GUCY1A2: variants seen among roughly 807,000 people sequenced by gnomAD.
GUCY1A2 encodes guanylate cyclase 1 soluble subunit alpha 2, also known as guanylate cyclase soluble subunit alpha-2.
Under a neutral mutation model 63.5 loss-of-function variants are expected in GUCY1A2, and 27 were observed. The ratio of observed to expected loss-of-function variants is 0.43; its 90% CI spans 0.31 to 0.59. The LOEUF is 0.59. GUCY1A2 is among the 20% of genes least tolerant of loss of function. GUCY1A2 has a pLI of 0.11. For missense variants in GUCY1A2, 768 were observed against 913.3 expected, an observed-to-expected ratio of 0.84 and a Z score of 2.05; for synonymous variants, 364 against 343.5, an observed-to-expected ratio of 1.06 and a Z score of -0.66.
chr11:106,709,521 TATA>T lies in GUCY1A2; in HGVS notation c.1837-858_1837-856del, dbSNP rs1292501768. ...ATAATAATATATATTATTCTATAAATATAATAATAATATAATATATTATATTAT... is the reference window on the plus strand; with the variant it reads ...ATAATAATATATATTATTCTATAAATATAATAATATAATATATTATATTAT... On this transcript the variant is annotated intron_variant, in intron 6 of 7. Transcript: ENST00000526355. Among the ~76,000 whole-genome samples, 92 of 52,732 alleles carry T rather than the reference TATA, an allele frequency of 1.7e-3. 4 individuals carry two copies. Among genetic ancestry groups the T allele is most frequent in the East Asian group, 0.01 (36 of 3,470 alleles). The allele number at this position is 52,732 out of a possible 152,430, so 34.6% of individuals were successfully genotyped here. A position where few individuals can be genotyped will look rare whatever the true frequency, so the allele number is the denominator to read the frequency against.
chr11:106,995,953 G>A (rs1259979816), intron 1 of GUCY1A2, among the ~76,000 whole-genome samples: 1 of 151,152 alleles, frequency 6.6e-6, no homozygotes, highest in East Asian at 2.0e-4. Context: ...CCAGTACTTG[G>A]GAGTTTCAGT....
intron 6 of GUCY1A2, among the ~76,000 whole-genome samples, chr11:106,744,165 TGAG>T (rs1461283015): frequency 6.6e-6 from 1 of 151,996 alleles, no homozygotes; most frequent in Non-Finnish European, 1.5e-5. Context: ...ACAAGAAAGT[TGAG>T]GAGGATATGA....
intron 3 of GUCY1A2, among the ~76,000 whole-genome samples, chr11:106,942,974 T>G (rs921018560): frequency 6.6e-6 from 1 of 152,230 alleles, no homozygotes; most frequent in African/African-American, 2.4e-5. Context: ...AATATTACAT[T>G]AAAATATTAT....
At position 106,684,303 on chromosome 11, in the gene GUCY1A2, A is replaced by G. The variant is rs184814879; in HGVS notation, c.*3246T>C. On this transcript the variant is annotated 3_prime_UTR_variant, in exon 8 of 8. Coordinates refer to ENST00000526355, the MANE Select transcript of GUCY1A2 (RefSeq NM_000855.3). ...AAAAGGAAAATCTGAAATTACTTAA[A>G]ATATAGAGCAAGAGATGAATATAAA... 4 of 187,408 alleles carry G rather than the reference A, an allele frequency of 2.1e-5. No homozygotes were observed. The highest frequency in any genetic ancestry group is 4.5e-5 in the Non-Finnish European group (4 of 88,908). 11.6% of individuals were successfully genotyped at this position (187,408 alleles called of 1,614,324 possible).
intron 6 of GUCY1A2, among the ~76,000 whole-genome samples, chr11:106,743,926 A>C (rs1235007272): frequency 3.9e-5 from 6 of 152,212 alleles, no homozygotes; most frequent in Non-Finnish European, 7.3e-5. Flanking sequence ...AATATGCAGA[A>C]AACTAAAAGG....
chr11:106,794,198 G>T (rs533804781), intron 5 of GUCY1A2, among the ~76,000 whole-genome samples: 2 of 151,956 alleles, frequency 1.3e-5, no homozygotes, highest in Non-Finnish European at 2.9e-5. Context: ...GCCATTTGTG[G>T]ATGAATCTGG....
rs1862407304 is a variant in GUCY1A2 at position 106,680,055 on chromosome 11, T to G, written c.*7494A>C. ...AAACCAGAGGTGTTTGTTACGGAAA[T>G]TGCCTCTCCTTTAAGAGTCTCTACA... is the stretch of plus-strand genomic sequence containing the variant. On this transcript the variant is annotated 3_prime_UTR_variant, in exon 8 of 8. Transcript: ENST00000526355. 9.3e-6 allele frequency: 2 copies of G among 215,012 alleles called. No homozygotes were observed. Among genetic ancestry groups the G allele is most frequent in the Admixed American group, 1.2e-4 (2 of 17,102 alleles). 13.3% of individuals were successfully genotyped at this position (215,012 alleles called of 1,614,324 possible). A position where few individuals can be genotyped will look rare whatever the true frequency, so the allele number is the denominator to read the frequency against.
chr11:106,748,381 A>G (rs1208305351), intron 6 of GUCY1A2, among the ~76,000 whole-genome samples: 1 of 152,216 alleles, frequency 6.6e-6, no homozygotes, highest in African/African-American at 2.4e-5. Flanking sequence ...GGCTGTGTAT[A>G]TGTACACATA....
At chr11:106,918,116 C>T (rs1036226911) in intron 4 of GUCY1A2, among the ~76,000 whole-genome samples, 8 of 144,138 alleles carry the variant, frequency 5.6e-5, no homozygotes, top group Non-Finnish European at 1.2e-4. Flanking sequence ...AAGGGTATAA[C>T]GCCCCTGTTT....
At chr11:106,958,810 G>T (rs1861023504) in intron 3 of GUCY1A2, among the ~76,000 whole-genome samples, 1 of 152,268 alleles carries the variant, frequency 6.6e-6, no homozygotes, top group East Asian at 1.9e-4. Flanking sequence ...TGGGAAAATA[G>T]ATGTTCAGGT....
chr11:106,970,457 A>T (rs900752150), intron 3 of GUCY1A2, among the ~76,000 whole-genome samples: 46 of 152,308 alleles, frequency 3.0e-4, no homozygotes, highest in African/African-American at 1.0e-3. Context: ...CAGAAAACAA[A>T]ATTCTTAATT....
At chr11:106,759,252 T>G (rs1318626430) in intron 6 of GUCY1A2, among the ~76,000 whole-genome samples, 1 of 152,164 alleles carries the variant, frequency 6.6e-6, no homozygotes, top group Non-Finnish European at 1.5e-5. Flanking sequence ...CCAGTTGAGT[T>G]CAAAACATAT....
intron 6 of GUCY1A2, among the ~76,000 whole-genome samples, chr11:106,722,767 G>T (rs1023961964): frequency 1.3e-5 from 2 of 148,274 alleles, no homozygotes; most frequent in African/African-American, 2.5e-5. Flanking sequence ...ATACAAAATA[G>T]TCATCAAAGA....
intron 5 of GUCY1A2, among the ~76,000 whole-genome samples, chr11:106,808,204 T>A (rs956440371): frequency 1.3e-5 from 2 of 151,008 alleles, no homozygotes; most frequent in African/African-American, 4.9e-5. Flanking sequence ...TGTAATTAAT[T>A]GCAAAATTTC....
chr11:106,861,203 AAATATAAACATAC>A (rs1859507027), intron 4 of GUCY1A2, among the ~76,000 whole-genome samples: 1 of 151,948 alleles, frequency 6.6e-6, no homozygotes, highest in Non-Finnish European at 1.5e-5. Flanking sequence ...TAACCCCTTG[AAATATAAACATAC>A]TCTTAGAGCT....
At chr11:106,982,130 C>T (rs184722843) in intron 2 of GUCY1A2, among the ~76,000 whole-genome samples, 22 of 152,132 alleles carry the variant, frequency 1.4e-4, no homozygotes, top group Non-Finnish European at 2.8e-4. Flanking sequence ...TTTAAGTAAC[C>T]TTCCCAAGAT....
chr11:106,903,146 C>T (rs1860157735), intron 4 of GUCY1A2, among the ~76,000 whole-genome samples: 1 of 152,014 alleles, frequency 6.6e-6, no homozygotes, highest in African/African-American at 2.4e-5. Flanking sequence ...AAAGATGCCA[C>T]CAAAGTCCCA....
Position 106,761,408 on chromosome 11 carries a change from T to G in GUCY1A2, c.1836+15031A>C, listed in dbSNP as rs148055416. The stretch of plus-strand genomic sequence containing the variant: ...AGAAGGATGGGTGTCTTAGCCCCAG[T>G]TCAGTAAAGCAAAAAGGGTGAATTT... On this transcript the variant is annotated intron_variant, in intron 6 of 7. Coordinates refer to ENST00000526355, the MANE Select transcript of GUCY1A2 (RefSeq NM_000855.3). 5.1e-3 allele frequency among the ~76,000 whole-genome samples: 781 copies of G among 152,278 alleles called. 6 individuals are homozygous for G. The highest frequency in any genetic ancestry group is 0.014 in the Middle Eastern group (4 of 294).
chr11:106,716,430 T>C (rs1863214511), intron 6 of GUCY1A2, among the ~76,000 whole-genome samples: 2 of 152,146 alleles, frequency 1.3e-5, no homozygotes, highest in South Asian at 2.1e-4. Flanking sequence ...GCAGACTTTA[T>C]ATCCAATCCT....
Sources: gnomAD v4.1 joint callset for allele counts (sites outside exome capture counted in the v4.1 genomes callset) on GRCh38, gnomAD v4.1.1 for gene constraint, MANE v1.5 for transcripts, NCBI Gene and HGNC (gene_info 2026-07-23, HGNC 2026-07-21) for gene names.